The following OTUD6B variants were observed in gnomAD, a reference collection of about 807,000 sequenced individuals.
OTUD6B encodes deubiquitinase OTUD6B.
OTUD6B carries 41 observed loss-of-function variants against 36.9 expected under a neutral mutation model. The ratio of observed to expected loss-of-function variants is 1.11; its 90% CI spans 0.87 to 1.44. The LOEUF (loss-of-function observed/expected upper bound fraction) is 1.44, where lower values mean the gene tolerates loss of function less well. Among genes scored for constraint, OTUD6B ranks in the 40% most tolerant of loss-of-function variants. The pLI, the probability that OTUD6B is intolerant of heterozygous loss-of-function variation, is 0.00. For synonymous variants in OTUD6B, 114 were observed against 114.2 expected, an observed-to-expected ratio of 1.00 and a Z score of 0.01; for missense variants, 356 against 344.8, an observed-to-expected ratio of 1.03 and a Z score of -0.26.
In OTUD6B at chr8:91,086,613, A is replaced by T. The variant is rs1167956523; in HGVS notation, c.*1745A>T. The T allele has an allele frequency of 6.6e-6, 1 of 152,118 alleles. No homozygotes were observed. The highest frequency in any genetic ancestry group is 1.5e-5 in the Non-Finnish European group (1 of 67,976). The allele number at this position is 152,118 out of a possible 1,614,324, so 9.4% of individuals were successfully genotyped here. A position where few individuals can be genotyped will look rare whatever the true frequency, so the allele number is the denominator to read the frequency against. On this transcript the variant is annotated 3_prime_UTR_variant, in exon 7 of 7. Coordinates refer to ENST00000404789, the MANE Select transcript of OTUD6B (RefSeq NM_016023.5). Reference sequence around the variant, plus strand: ...GTTATCTACATCTAAAGTATTTTAAAATAACTTATTGGCAGCTTTATTCTT... The same window carrying T: ...GTTATCTACATCTAAAGTATTTTAATATAACTTATTGGCAGCTTTATTCTT...
chr8:91,073,293 A>C (rs1812732702), intron 2 of OTUD6B, among the ~76,000 whole-genome samples: 1 of 152,178 alleles, frequency 6.6e-6, no homozygotes, highest in Non-Finnish European at 1.5e-5. Context: ...GATTGATTAT[A>C]ATATCAAATG....
At chr8:91,076,803 A>G in intron 3 of OTUD6B, 2 of 704,044 alleles carry the variant, frequency 2.8e-6, no homozygotes, top group South Asian at 3.0e-5. Flanking sequence ...CTTGTGTTTT[A>G]AGATATTATG....
chr8:91,073,874 A>C lies in OTUD6B; in HGVS notation c.278A>C (p.Asn93Thr). The change falls in exon 3 of 7, where the codon AAT becomes ACT. Residue 93 changes from asparagine (N) to threonine (T), a missense_variant. Transcript: ENST00000404789. ...AVNISNLVLENQPPRISKAQK... is the reference protein window; with the variant it reads ...AVNISNLVLETQPPRISKAQK... The stretch of plus-strand genomic sequence containing the variant: ...AACATTTCAAACTTGGTGCTTGAGA[A>C]TCAGCCACCTCGGATATCAAAAGCA... 2 of 1,594,940 alleles carry C rather than the reference A, an allele frequency of 1.3e-6. No homozygotes were observed. The highest frequency in any genetic ancestry group is 1.7e-6 in the Non-Finnish European group (2 of 1,169,270).
chr8:91,084,045 A>G lies in OTUD6B; in HGVS notation c.728A>G (p.Glu243Gly). The G allele has an allele frequency of 2.5e-6, 4 of 1,581,184 alleles. No individual in the cohort carries two copies. The highest frequency in any genetic ancestry group is 3.4e-6 in the Non-Finnish European group (4 of 1,162,096). Residue 243 changes from glutamate (E) to glycine (G), a missense_variant, in exon 6 of 7, where the codon GAG (glutamate) becomes GGG (glycine). Transcript: ENST00000404789. ...ALSHILQTPI[E>G]IIQADSPPII... The stretch of plus-strand genomic sequence containing the variant: ...TCTCACATTTTACAAACACCAATAG[A>G]GATAATACAGGCAGATTCTCCTCCC...
intron 6 of OTUD6B, 29 bp downstream of exon 6, chr8:91,084,143 AT>A (rs1812963110): frequency 8.4e-7 from 1 of 1,194,556 alleles, no homozygotes; most frequent in African/African-American, 1.6e-5. Flanking sequence ...TTACTGTTTT[AT>A]TTTTCACAAT....
chr8:91,078,655 T>TA lies in OTUD6B; in HGVS notation c.616dup (p.Met206AsnfsTer12), dbSNP rs1468498813. On this transcript the variant is annotated frameshift_variant, in exon 4 of 7. Transcript: ENST00000404789. LOFTEE classifies it high-confidence loss of function. ...TTTTAACAAACCCTAATACAGGAGA[T>TA]ATGTATACTCCAGGTAATTTATTTT... is the stretch of plus-strand genomic sequence containing the variant. 6.4e-7 allele frequency: 1 copy of TA among 1,564,552 alleles called. No individual in the cohort carries two copies. Among genetic ancestry groups the TA allele is most frequent in the Non-Finnish European group, 8.7e-7 (1 of 1,150,018 alleles).
intron 5 of OTUD6B, 103 bp downstream of exon 5, chr8:91,080,833 A>G (rs911778964): frequency 1.2e-6 from 1 of 804,632 alleles, no homozygotes; most frequent in East Asian, 2.7e-5. Flanking sequence ...TTCTCTTTGA[A>G]GATTCCTTTT....
In OTUD6B at chr8:91,073,881, A is replaced by G. The variant is rs1299394100; in HGVS notation, c.285A>G (p.Pro95=). ...CAAACTTGGTGCTTGAGAATCAGCC[A>G]CCTCGGATATCAAAAGCACAAAAGA... ...NISNLVLENQ[P]PRISKAQKRR... is the part of the protein sequence containing the mutation. Residue 95 remains proline (P), a synonymous_variant, in exon 3 of 7, where the codon CCA becomes CCG. Coordinates refer to ENST00000404789, the MANE Select transcript of OTUD6B (RefSeq NM_016023.5). The G allele has an allele frequency of 3.1e-6, 5 of 1,593,140 alleles. No individual in the cohort carries two copies. The highest frequency in any genetic ancestry group is 2.3e-5 in the South Asian group (2 of 87,762).
intron 4 of OTUD6B, 131 bp from the exon 5 acceptor site, chr8:91,080,538 G>T: frequency 6.9e-7 from 1 of 1,445,208 alleles, no homozygotes; most frequent in South Asian, 1.4e-5. Flanking sequence ...AGATTCTGGA[G>T]GATAATGGTA....
In OTUD6B at chr8:91,081,507, CAG is replaced by C. The variant is rs1282393107; in HGVS notation, c.690+778_690+779del. Among the ~76,000 whole-genome samples, 3 of 151,744 alleles carry C rather than the reference CAG, an allele frequency of 2.0e-5. No homozygotes were observed. The East Asian group carries it at 5.8e-4, about 29-fold the overall frequency. On this transcript the variant is annotated intron_variant, in intron 5 of 6. Transcript: ENST00000404789. ...CTTCCACCCCTCTGTTTTGTGGCCA[CAG>C]GGGAGTCAGCCATCCTCCCAAGCTT...
At chr8:91,077,117 T>G (rs1812816464) in intron 3 of OTUD6B, among the ~76,000 whole-genome samples, 1 of 152,102 alleles carries the variant, frequency 6.6e-6, no homozygotes, top group Admixed American at 6.6e-5. Flanking sequence ...TGTAACTTAT[T>G]AATGTCAAAA....
chr8:91,078,243 A>G, intron 3 of OTUD6B, 113 bp from the exon 4 acceptor site: 1 of 1,443,754 alleles, frequency 6.9e-7, no homozygotes, highest in South Asian at 1.5e-5. Context: ...TTTGTGCGAG[A>G]AGGGAGAATA....
intron 4 of OTUD6B, among the ~76,000 whole-genome samples, chr8:91,080,299 A>G (rs1412447610): frequency 9.9e-5 from 15 of 152,096 alleles, no homozygotes; most frequent in African/African-American, 3.6e-4. Context: ...TTTGTCTTTC[A>G]TGGTATTCCT....
At chr8:91,071,351 A>G in intron 2 of OTUD6B, 62 bp downstream of exon 2, 1 of 1,347,126 alleles carries the variant, frequency 7.4e-7, no homozygotes, top group African/African-American at 1.5e-5. Context: ...CACTTCTGTT[A>G]AATGTTAAAC....
In OTUD6B at chr8:91,087,070, TA is replaced by T. The variant is rs1337992889; in HGVS notation, c.*2208del. 6.6e-6 allele frequency: 1 copy of T among 152,076 alleles called. No individual in the cohort carries two copies. Among genetic ancestry groups the T allele is most frequent in the Non-Finnish European group, 1.5e-5 (1 of 67,930 alleles). 9.4% of individuals were successfully genotyped at this position (152,076 alleles called of 1,614,324 possible). Reference sequence around the variant, plus strand: ...TATGTGATGTTTGCCAAAAAAAGAATAAAAAATGAATGAATTAAATCAACAT... The same window carrying T: ...TATGTGATGTTTGCCAAAAAAAGAATAAAAATGAATGAATTAAATCAACAT... On this transcript the variant is annotated 3_prime_UTR_variant, in exon 7 of 7. Transcript: ENST00000404789.
intron 1 of OTUD6B, among the ~76,000 whole-genome samples, 179 bp downstream of exon 1, chr8:91,070,645 A>C (rs898160259): frequency 2.6e-5 from 4 of 151,978 alleles, no homozygotes; most frequent in Admixed American, 2.6e-4. Context: ...CCCAACCTTC[A>C]GAGGCTTCCC....
At chr8:91,081,145 GA>G (rs79315249) in intron 5 of OTUD6B, among the ~76,000 whole-genome samples, 73,943 of 149,804 alleles carry the variant, frequency 0.49, 20,036 homozygotes, top group South Asian at 0.67. Context: ...ATCAGAAATG[GA>G]AAAAAAAAAT....
intron 5 of OTUD6B, among the ~76,000 whole-genome samples, chr8:91,083,408 C>T (rs1368371628): frequency 2.6e-5 from 4 of 152,036 alleles, no homozygotes; most frequent in Non-Finnish European, 5.9e-5. Flanking sequence ...TACCCATTGC[C>T]CCTCTTCATT....
rs538080070 is a variant in OTUD6B at position 91,074,004 on chromosome 8, G to GA, written c.315+102dup. The GA allele has an allele frequency of 2.3e-3, 1,761 of 775,622 alleles. 3 individuals are homozygous for GA. Among genetic ancestry groups the GA allele is most frequent in the African/African-American group, 0.01 (556 of 54,956 alleles). The allele number at this position is 775,622 out of a possible 1,614,324, so 48.0% of individuals were successfully genotyped here. ...TTAGGTCTTGTTATAGGAAGAGAAT[G>GA]AAAAAAAAATGATGCAGTTCCTTGT... On this transcript the variant is annotated intron_variant, in intron 3 of 6. Coordinates refer to ENST00000404789, the MANE Select transcript of OTUD6B (RefSeq NM_016023.5).
Sources: allele counts gnomAD v4.1 joint callset (sites outside exome capture counted in the v4.1 genomes callset), GRCh38; gene constraint gnomAD v4.1.1; transcripts MANE v1.5; gene names NCBI Gene and HGNC (gene_info 2026-07-23, HGNC 2026-07-21).